The following SCARF2 variants were observed in gnomAD, a reference collection of about 807,000 sequenced individuals.
The protein encoded by SCARF2 is scavenger receptor class F member 2.
SCARF2 carries 39 observed loss-of-function variants against 73.4 expected under a neutral mutation model. That is an observed-to-expected ratio of 0.53 (90% confidence interval 0.41 to 0.69). The LOEUF is 0.69. Ranked by LOEUF, SCARF2 falls within the 30% of genes least tolerant of loss-of-function variation. The probability of loss-of-function intolerance (pLI) is 0.00; values close to 1 mark genes in which losing one functional copy is unlikely to be tolerated. For missense variants in SCARF2, 1,148 were observed against 1,303.5 expected, an observed-to-expected ratio of 0.88 and a Z score of 1.84; for synonymous variants, 605 against 590.0, an observed-to-expected ratio of 1.03 and a Z score of -0.37.
At chr22:20,430,595 G>A (rs1484305392) in intron 5 of SCARF2, 38 bp from the exon 6 acceptor site, 4 of 1,611,602 alleles carry the variant, frequency 2.5e-6, no homozygotes, top group Admixed American at 1.7e-5. Context: ...AGAAATGGAG[G>A]CAAACGGACC....
chr22:20,431,540 G>T lies in SCARF2; in HGVS notation c.335-3C>A, dbSNP rs1398473392. ...GCCCCAGAACTGGCGCGGGCACTCT[G>T]CAGGGGAGGAGCGGAGGGGGTGGAA... On this transcript the variant is annotated splice_polypyrimidine_tract_variant and splice_region_variant and intron_variant, in intron 3 of 10. Coordinates refer to ENST00000622235, the MANE Select transcript of SCARF2 (RefSeq NM_182895.5). The T allele has an allele frequency of 6.4e-7, 1 of 1,572,132 alleles. No homozygotes were observed. The highest frequency in any genetic ancestry group is 8.6e-7 in the Non-Finnish European group (1 of 1,166,670).
Position 20,425,568 on chromosome 22 carries a change from G to A in SCARF2, c.2408C>T (p.Ala803Val). 1 of 1,342,820 alleles carries A rather than the reference G, an allele frequency of 7.4e-7. No homozygotes were observed. Among genetic ancestry groups the A allele is most frequent in the Non-Finnish European group, 9.5e-7 (1 of 1,051,450 alleles). The allele number at this position is 1,342,820 out of a possible 1,614,324, so 83.2% of individuals were successfully genotyped here. The change falls in exon 11 of 11, where the codon GCC (alanine) becomes GTC (valine). Residue 803 changes from alanine to valine, a missense_variant. Transcript: ENST00000622235. This position sits in a 1 kb window ranked among gnomAD's most constrained non-coding sequence, Gnocchi z 4.6. Reference sequence around the variant, plus strand: ...CGAGGCTGGCGGCACGGAGCGCTTGGCTTTCTGTGGGGGCGCCGGCTTTTC... The same window carrying A: ...CGAGGCTGGCGGCACGGAGCGCTTGACTTTCTGTGGGGGCGCCGGCTTTTC... ...PREKPAPPQK[A>V]KRSVPPASPA...
At chr22:20,433,547 A>G (rs2052669224) in intron 1 of SCARF2, among the ~76,000 whole-genome samples, 1 of 152,178 alleles carries the variant, frequency 6.6e-6, no homozygotes, top group Admixed American at 6.5e-5. Flanking sequence ...CCAGCTAGAC[A>G]GAATACCACC....
chr22:20,430,013 T>C, intron 6 of SCARF2, 180 bp from the exon 7 acceptor site: 1 of 664,944 alleles, frequency 1.5e-6, no homozygotes, highest in Non-Finnish European at 2.6e-6. Flanking sequence ...GGGTAGTGGA[T>C]GTTTTGGAAA....
chr22:20,437,653 GAGCAGC>G lies in SCARF2; in HGVS notation c.96_101del (p.Leu33_Leu34del). 13 of 1,536,808 alleles carry G rather than the reference GAGCAGC, an allele frequency of 8.5e-6. No individual in the cohort carries two copies. Among genetic ancestry groups the G allele is most frequent in the East Asian group, 5.1e-5 (2 of 39,340 alleles). The stretch of plus-strand genomic sequence containing the variant: ...GCGCCACGGTGTCCGGCAGCATCCA[GAGCAGC>G]AGCAGCAGCAGCAGCGACGGCAGCA... On this transcript the variant is annotated inframe_deletion, in exon 1 of 11. Coordinates refer to ENST00000622235, the MANE Select transcript of SCARF2 (RefSeq NM_182895.5).
intron 10 of SCARF2, 142 bp downstream of exon 10, chr22:20,427,256 G>C (rs2052588990): frequency 9.7e-7 from 1 of 1,035,030 alleles, no homozygotes; most frequent in Non-Finnish European, 1.4e-6. Flanking sequence ...CCTCAGCTCT[G>C]TGGGCAACCC....
intron 1 of SCARF2, among the ~76,000 whole-genome samples, chr22:20,435,839 C>T (rs746395921): frequency 4.6e-5 from 7 of 152,238 alleles, no homozygotes; most frequent in Non-Finnish European, 8.8e-5. Flanking sequence ...CTGCAGCTTC[C>T]CTACACCAAT....
chr22:20,425,412 G>A lies in SCARF2; in HGVS notation c.2564C>T (p.Ala855Val), dbSNP rs868846331. 6 of 1,428,834 alleles carry A rather than the reference G, an allele frequency of 4.2e-6. No individual in the cohort carries two copies. Among genetic ancestry groups the A allele is most frequent in the Admixed American group, 4.8e-5 (2 of 41,262 alleles). The allele number at this position is 1,428,834 out of a possible 1,614,324, so 88.5% of individuals were successfully genotyped here. A position where few individuals can be genotyped will look rare whatever the true frequency, so the allele number is the denominator to read the frequency against. Reference protein sequence around the residue: ...KPPRKKSREAAGELGRAGAPT... With the variant: ...KPPRKKSREAVGELGRAGAPT... The stretch of plus-strand genomic sequence containing the variant: ...TGCGCCCGCCCTGCCCAGCTCGCCC[G>A]CCGCCTCCCGGCTCTTCTTGCGCGG... Residue 855 changes from alanine to valine, a missense_variant, in exon 11 of 11, where the codon GCG becomes GTG. By Grantham distance (64) the Ala-to-Val change is moderately conservative. Transcript: ENST00000622235. The surrounding 1 kb of genome is among the most constrained non-coding windows in gnomAD (Gnocchi z 4.6).
chr22:20,432,034 C>T (rs754204497), intron 1 of SCARF2, 46 bp from the exon 2 acceptor site: 1 of 1,570,030 alleles, frequency 6.4e-7, no homozygotes, highest in Middle Eastern at 1.8e-4. Flanking sequence ...CCTCCCCCAG[C>T]CCCCATCTGC....
Position 20,432,128 on chromosome 22 carries a change from G to T in SCARF2, c.174-140C>A, listed in dbSNP as rs2052656879. 6 of 877,584 alleles carry T rather than the reference G, an allele frequency of 6.8e-6. No individual in the cohort carries two copies. In the South Asian group the frequency reaches 7.1e-5, roughly 10 times the overall value. 54.4% of individuals were successfully genotyped at this position (877,584 alleles called of 1,614,324 possible). A position where few individuals can be genotyped will look rare whatever the true frequency, so the allele number is the denominator to read the frequency against. ...CTAGGGGGGTGGTTAATGAGGTCCT[G>T]CCAGGCAGTCGTCTGGCGGTGGAGG... On this transcript the variant is annotated intron_variant, in intron 1 of 10. Coordinates refer to ENST00000622235, the MANE Select transcript of SCARF2 (RefSeq NM_182895.5).
chr22:20,431,963 C>T lies in SCARF2; in HGVS notation c.199G>A (p.Gly67Ser), dbSNP rs1435056068. 1 of 1,611,564 alleles carries T rather than the reference C, an allele frequency of 6.2e-7. No homozygotes were observed. Among genetic ancestry groups the T allele is most frequent in the Admixed American group, 1.7e-5 (1 of 59,908 alleles). Residue 67 changes from glycine to serine, a missense_variant, in exon 2 of 11, where the codon GGC (glycine) becomes AGC (serine). Physicochemically the swap from Gly to Ser is moderately conservative, Grantham distance 56 (BLOSUM62 0). Coordinates refer to ENST00000622235, the MANE Select transcript of SCARF2 (RefSeq NM_182895.5). Reference sequence around the variant, plus strand: ...CACTCGTCCCCTTGCTGCCTCCAGCCAGCGCAGCACGTGGGCACCTGGGAG... The same window carrying T: ...CACTCGTCCCCTTGCTGCCTCCAGCTAGCGCAGCACGTGGGCACCTGGGAG... ...PGSQVPTCCAGWRQQGDECGI... is the reference protein window; with the variant it reads ...PGSQVPTCCASWRQQGDECGI...
Position 20,431,481 on chromosome 22 carries a change from G to C in SCARF2, c.391C>G (p.His131Asp). ...DCKELCSCHP[H>D]GQCEDVTGQC... is the part of the protein sequence containing the mutation. Reference sequence around the variant, plus strand: ...CCTGTCACGTCCTCGCACTGCCCGTGTGGGTGGCAGCTACACAGCTCCTTG... The same window carrying C: ...CCTGTCACGTCCTCGCACTGCCCGTCTGGGTGGCAGCTACACAGCTCCTTG... Residue 131 changes from histidine (H) to aspartate (D), a missense_variant, in exon 4 of 11, where the codon CAC becomes GAC. Coordinates refer to ENST00000622235, the MANE Select transcript of SCARF2 (RefSeq NM_182895.5). 5 of 1,572,942 alleles carry C rather than the reference G, an allele frequency of 3.2e-6. No individual in the cohort carries two copies. Among genetic ancestry groups the C allele is most frequent in the South Asian group, 1.1e-5 (1 of 87,044 alleles).
chr22:20,427,532 T>G lies in SCARF2; in HGVS notation c.1559A>C (p.Asp520Ala). 2 of 1,613,472 alleles carry G rather than the reference T, an allele frequency of 1.2e-6. No individual in the cohort carries two copies. The highest frequency in any genetic ancestry group is 1.7e-6 in the Non-Finnish European group (2 of 1,180,000). The change falls in exon 10 of 11, where the codon GAT becomes GCT. Residue 520 changes from aspartate (D) to alanine (A), a missense_variant. This residue lies in a region of SCARF2 where 437 missense variants were observed against 433.6 expected (regional missense o/e 1.01). Transcript: ENST00000622235. ...PKVVVAHHDL[D>A]NTLNCSFLEP... Reference sequence around the variant, plus strand: ...CAGGAAGCTGCAGTTGAGTGTGTTATCCAGGTCGTGGTGGGCCACTGGGGA... The same window carrying G: ...CAGGAAGCTGCAGTTGAGTGTGTTAGCCAGGTCGTGGTGGGCCACTGGGGA...
In SCARF2 at chr22:20,429,939, G is replaced by A; in HGVS notation, c.1203-106C>T. On this transcript the variant is annotated intron_variant, in intron 6 of 10. Transcript: ENST00000622235. This position sits in a 1 kb window ranked among gnomAD's most constrained non-coding sequence, Gnocchi z 5.2. ...GCCCAGGGTCCAGGGTCCCAGAACC[G>A]GGCTCTCTCTCGCTGCATTCGTCGT... is the stretch of plus-strand genomic sequence containing the variant. The A allele has an allele frequency of 1.8e-6, 2 of 1,110,984 alleles. No homozygotes were observed. Among genetic ancestry groups the A allele is most frequent in the South Asian group, 1.4e-5 (1 of 72,934 alleles). The allele number at this position is 1,110,984 out of a possible 1,614,324, so 68.8% of individuals were successfully genotyped here.
Position 20,433,350 on chromosome 22 carries a change from G to A in SCARF2, c.174-1362C>T, listed in dbSNP as rs142823813. ...TTCGCACTTTAGAGAAAAGGAGCAC[G>A]CTTCTTCACAAGCAGGCTTGGATTC... is the stretch of plus-strand genomic sequence containing the variant. On this transcript the variant is annotated intron_variant, in intron 1 of 10. Transcript: ENST00000622235. Among the ~76,000 whole-genome samples, 13 of 152,306 alleles carry A rather than the reference G, an allele frequency of 8.5e-5. No individual in the cohort carries two copies. In the East Asian group the frequency reaches 1.7e-3, roughly 20 times the overall value.
chr22:20,429,446 C>T lies in SCARF2; in HGVS notation c.1424+90G>A, dbSNP rs1256920438. 1.9e-6 allele frequency: 3 copies of T among 1,571,720 alleles called. No homozygotes were observed. The highest frequency in any genetic ancestry group is 4.4e-4 in the Middle Eastern group (2 of 4,518). On this transcript the variant is annotated intron_variant, in intron 8 of 10. Transcript: ENST00000622235. The surrounding 1 kb of genome is among the most constrained non-coding windows in gnomAD (Gnocchi z 5.2). The stretch of plus-strand genomic sequence containing the variant: ...AGAAGGGGCGGGGCCACGTCCGGGG[C>T]AGGGGCGCGGAAGGGTTGGATCTGG...
rs367657189 is a variant in SCARF2 at position 20,425,397 on chromosome 22, C to G, written c.2579G>C (p.Arg860Thr). ...CTGCTACAGGGTGGGTGCGCCCGCCCTGCCCAGCTCGCCCGCCGCCTCCCG... is the reference window on the plus strand; with the variant it reads ...CTGCTACAGGGTGGGTGCGCCCGCCGTGCCCAGCTCGCCCGCCGCCTCCCG... Reference protein sequence around the residue: ...KSREAAGELGRAGAPTL With the variant: ...KSREAAGELGTAGAPTL The change falls in exon 11 of 11, where the codon AGG (arginine) becomes ACG (threonine). Residue 860 changes from arginine to threonine, a missense_variant. By Grantham distance (71) the Arg-to-Thr change is moderately conservative (BLOSUM62 -1). Coordinates refer to ENST00000622235, the MANE Select transcript of SCARF2 (RefSeq NM_182895.5). The surrounding 1 kb of genome is among the most constrained non-coding windows in gnomAD (Gnocchi z 4.6). 7.0e-7 allele frequency: 1 copy of G among 1,428,640 alleles called. No individual in the cohort carries two copies. The highest frequency in any genetic ancestry group is 9.2e-7 in the Non-Finnish European group (1 of 1,088,514). 88.5% of individuals were successfully genotyped at this position (1,428,640 alleles called of 1,614,324 possible).
chr22:20,431,991 G>A lies in SCARF2; in HGVS notation c.174-3C>T. The A allele has an allele frequency of 6.2e-7, 1 of 1,608,802 alleles. No individual in the cohort carries two copies. The highest frequency in any genetic ancestry group is 1.1e-5 in the South Asian group (1 of 90,186). ...CGCAGCACGTGGGCACCTGGGAGCT[G>A]CGAGCAGAGGGAGGACATCTAAGCC... On this transcript the variant is annotated splice_region_variant and splice_polypyrimidine_tract_variant and intron_variant, in intron 1 of 10. Transcript: ENST00000622235.
rs1410844181 is a variant in SCARF2 at position 20,431,029 on chromosome 22, G to A, written c.843C>T (p.Gly281=). ...EPCPAGFYGL[G]CRRRCGQCKG... ...GAGACCGCGCTTACCGGCGGCGACAGCCCAAGCCGTAGAAGCCGGCGGGGC... is the reference window on the plus strand; with the variant it reads ...GAGACCGCGCTTACCGGCGGCGACAACCCAAGCCGTAGAAGCCGGCGGGGC... The change falls in exon 4 of 11, where the codon GGC becomes GGT. Residue 281 remains glycine, a synonymous_variant. Transcript: ENST00000622235. 1.3e-6 allele frequency: 2 copies of A among 1,557,434 alleles called. No individual in the cohort carries two copies. The highest frequency in any genetic ancestry group is 1.7e-6 in the Non-Finnish European group (2 of 1,159,852).
Sources: gnomAD v4.1 joint callset for allele counts (sites outside exome capture counted in the v4.1 genomes callset) on GRCh38, gnomAD v4.1.1 for gene constraint, gnomAD v4.1.1 regional missense constraint, Gnocchi (gnomAD v3.1) non-coding constraint, MANE v1.5 for transcripts, NCBI Gene and HGNC (gene_info 2026-07-23, HGNC 2026-07-21) for gene names.